The following PRDM11 variants were observed in gnomAD, a reference collection of about 807,000 sequenced individuals.
PRDM11 encodes PR/SET domain 11, also known as PR domain-containing protein 11.
A neutral mutation model predicts 97.8 loss-of-function variants in PRDM11; 20 were observed. The ratio of observed to expected loss-of-function variants is 0.20; its 90% confidence interval spans 0.14 to 0.30. The LOEUF (loss-of-function observed/expected upper bound fraction) is 0.30, where lower values mean the gene tolerates loss of function less well. Among genes scored for constraint, PRDM11 ranks in the 10% least tolerant of loss-of-function variants. The probability of loss-of-function intolerance (pLI) is 1.00; values close to 1 mark genes in which losing one functional copy is unlikely to be tolerated. For synonymous variants in PRDM11, 599 were observed against 637.7 expected, an observed-to-expected ratio of 0.94 and a Z score of 0.91; for missense variants, 1,139 against 1,555.2, an observed-to-expected ratio of 0.73 and a Z score of 4.50.
At chr11:45,182,388 A>AC (rs1425150951) in intron 3 of PRDM11, 39 bp downstream of exon 3, 1 of 1,559,174 alleles carries the variant, frequency 6.4e-7, no homozygotes, top group Non-Finnish European at 8.8e-7. Flanking sequence ...TCCTCCCTTC[A>AC]CCCCCATCGC....
At chr11:45,206,693 A>G (rs913334945) in intron 5 of PRDM11, among the ~76,000 whole-genome samples, 1 of 152,188 alleles carries the variant, frequency 6.6e-6, no homozygotes, top group Non-Finnish European at 1.5e-5. Flanking sequence ...TTGTGACTTA[A>G]TTGGGCTGGG....
At chr11:45,203,288 A>G (rs545773112) in intron 4 of PRDM11, among the ~76,000 whole-genome samples, 34 of 152,326 alleles carry the variant, frequency 2.2e-4, no homozygotes, top group Non-Finnish European at 4.4e-4. Flanking sequence ...TGATGCCTCA[A>G]TAAAGCTGTT....
intron 4 of PRDM11, among the ~76,000 whole-genome samples, chr11:45,200,875 T>C (rs1446416413): frequency 1.3e-5 from 2 of 152,190 alleles, no homozygotes; most frequent in African/African-American, 4.8e-5. Flanking sequence ...CATCCCTGCT[T>C]CCCTCTTTCC....
chr11:45,150,242 A>G (rs773541403), intron 1 of PRDM11, among the ~76,000 whole-genome samples: 73 of 152,226 alleles, frequency 4.8e-4, no homozygotes, highest in Non-Finnish European at 8.4e-4. Flanking sequence ...TCTTCAGGGA[A>G]GCCCTCCCTG....
rs890924953 is a variant in PRDM11, at chr11:45,227,031, G to A, written c.2406G>A (p.Met802Ile). 6.5e-7 allele frequency: 1 copy of A among 1,533,992 alleles called. No individual in the cohort carries two copies. The highest frequency in any genetic ancestry group is 2.0e-5 in the Admixed American group (1 of 51,004). Residue 802 changes from methionine to isoleucine, a missense_variant, in exon 8 of 8, where the codon ATG becomes ATA. Physicochemically the swap from Met to Ile is conservative, Grantham distance 10. Transcript: ENST00000683152. This position sits in a 1 kb window ranked among gnomAD's most constrained non-coding sequence, Gnocchi z 8.0. ...LSFYRYSPRL[M>I]CELRSTAATL... ...TCTACCGCTACTCACCGCGCCTCAT[G>A]TGCGAGCTGCGGTCCACGGCGGCCA...
intron 1 of PRDM11, among the ~76,000 whole-genome samples, chr11:45,156,702 G>A (rs1278346665): frequency 6.6e-6 from 1 of 152,204 alleles, no homozygotes; most frequent in Non-Finnish European, 1.5e-5. Context: ...TCTTGGGATT[G>A]AAGGTAGGAT....
intron 1 of PRDM11, among the ~76,000 whole-genome samples, chr11:45,136,875 G>C (rs1216191307): frequency 6.6e-6 from 1 of 151,772 alleles, no homozygotes; most frequent in East Asian, 1.9e-4. Flanking sequence ...GGGCACAGAG[G>C]CTCCTGCCTG....
At chr11:45,136,900 T>C (rs1852860805) in intron 1 of PRDM11, among the ~76,000 whole-genome samples, 1 of 148,710 alleles carries the variant, frequency 6.7e-6, no homozygotes, top group Non-Finnish European at 1.5e-5. Flanking sequence ...CCCAGCACTT[T>C]GGGAGGCCGA....
intron 5 of PRDM11, chr11:45,213,211 C>A (rs1342470084): frequency 4.4e-6 from 2 of 456,570 alleles, no homozygotes; most frequent in Admixed American, 2.3e-5. Context: ...TCTAACAGAG[C>A]ATGTATTCAG....
At chr11:45,132,625 T>C (rs1309110507) in intron 1 of PRDM11, among the ~76,000 whole-genome samples, 1 of 152,240 alleles carries the variant, frequency 6.6e-6, no homozygotes, top group Non-Finnish European at 1.5e-5. Context: ...ATTTCCTTTC[T>C]ACTTCTGTTT....
intron 5 of PRDM11, among the ~76,000 whole-genome samples, chr11:45,208,493 C>A (rs1042832848): frequency 2.0e-5 from 3 of 152,110 alleles, no homozygotes; most frequent in African/African-American, 7.2e-5. Context: ...GATTTTAAGC[C>A]CCTTACATCA....
chr11:45,222,769 G>T (rs1299914764), intron 6 of PRDM11, among the ~76,000 whole-genome samples: 1 of 152,140 alleles, frequency 6.6e-6, no homozygotes, highest in Non-Finnish European at 1.5e-5. Context: ...GCAAACCCTT[G>T]GCCTTCAATC....
rs756908939 is a variant in PRDM11 at position 45,231,257 on chromosome 11, T to G, written c.*3098T>G. The G allele has an allele frequency of 2.6e-5, 4 of 152,282 alleles. No homozygotes were observed. The highest frequency in any genetic ancestry group is 2.1e-4 in the South Asian group (1 of 4,826). 9.4% of individuals were successfully genotyped at this position (152,282 alleles called of 1,614,324 possible). On this transcript the variant is annotated 3_prime_UTR_variant, in exon 8 of 8. Coordinates refer to ENST00000683152, the MANE Select transcript of PRDM11 (RefSeq NM_001384648.1). ...GGCCCAGTGCTTCTGTCCTGTGAAT[T>G]CTGCATGTGATTACCCATGATTTCT...
chr11:45,124,918 C>A (rs944219242), intron 1 of PRDM11, among the ~76,000 whole-genome samples: 96 of 152,256 alleles, frequency 6.3e-4, no homozygotes, highest in African/African-American at 2.1e-3. Flanking sequence ...GGAATGGTAC[C>A]AGCTCCTCCT....
At chr11:45,164,734 G>C (rs1330547356) in intron 1 of PRDM11, among the ~76,000 whole-genome samples, 2 of 152,202 alleles carry the variant, frequency 1.3e-5, no homozygotes, top group Non-Finnish European at 2.9e-5. Context: ...GGTCCTTCGG[G>C]TGTGTTTTGA....
At chr11:45,141,774 T>C (rs1851409938), upstream of PRDM11, among the ~76,000 whole-genome samples, 1 of 152,174 alleles carries the variant, frequency 6.6e-6, no homozygotes, top group South Asian at 2.1e-4. Flanking sequence ...GAAAGGACTG[T>C]CCATGATCCA....
chr11:45,218,008 C>T (rs565774180), intron 5 of PRDM11, among the ~76,000 whole-genome samples: 2 of 152,350 alleles, frequency 1.3e-5, no homozygotes, highest in South Asian at 4.1e-4. Context: ...GAACCATAGT[C>T]TACTTCCAGT....
intron 6 of PRDM11, among the ~76,000 whole-genome samples, chr11:45,223,588 C>T (rs1223864499): frequency 6.6e-6 from 1 of 152,146 alleles, no homozygotes; most frequent in African/African-American, 2.4e-5. Flanking sequence ...TTTCTTCTGC[C>T]CTTAGTCGTC....
rs1854404690 is a variant in PRDM11, at chr11:45,231,862, T to A, written c.*3703T>A. 6.6e-6 allele frequency: 1 copy of A among 152,078 alleles called. No individual in the cohort carries two copies. Among genetic ancestry groups the A allele is most frequent in the Non-Finnish European group, 1.5e-5 (1 of 68,014 alleles). 9.4% of individuals were successfully genotyped at this position (152,078 alleles called of 1,614,324 possible). The stretch of plus-strand genomic sequence containing the variant: ...CAGCAGCCTTATTTAATTTAATTTT[T>A]CTAATGACTGGCCTATGACACCTTG... On this transcript the variant is annotated 3_prime_UTR_variant, in exon 8 of 8. Coordinates refer to ENST00000683152, the MANE Select transcript of PRDM11 (RefSeq NM_001384648.1).
Sources: gnomAD v4.1 joint callset for allele counts (sites outside exome capture counted in the v4.1 genomes callset) on GRCh38, gnomAD v4.1.1 for gene constraint, Gnocchi (gnomAD v3.1) non-coding constraint, MANE v1.5 for transcripts, NCBI Gene and HGNC (gene_info 2026-07-23, HGNC 2026-07-21) for gene names.